ATXN7: variants seen among roughly 807,000 people sequenced by gnomAD.
ATXN7 encodes the protein ataxin 7.
ATXN7 carries 12 observed loss-of-function variants against 70.5 expected under a neutral mutation model. That is an observed-to-expected ratio of 0.17 (90% CI 0.11 to 0.28). The LOEUF (loss-of-function observed/expected upper bound fraction) is 0.28, where lower values mean the gene tolerates loss of function less well. Ranked by LOEUF, ATXN7 falls within the 10% of genes least tolerant of loss-of-function variation. The pLI, the probability that ATXN7 is intolerant of heterozygous loss-of-function variation, is 1.00. For missense variants in ATXN7, 1,256 were observed against 1,131.7 expected (o/e 1.11, Z -1.58); for synonymous variants, 498 against 448.7 (o/e 1.11, Z -1.39).
chr3:63,960,373 G>T lies in ATXN7; in HGVS notation c.499+7890G>T, dbSNP rs530395594. Among the ~76,000 whole-genome samples, 14 of 152,290 alleles carry T rather than the reference G, an allele frequency of 9.2e-5. 1 individual carries two copies. The highest frequency in any genetic ancestry group is 2.9e-4 in the African/African-American group (12 of 41,566). ...ATGAGAAGAATCAGGATTGGACGGC[G>T]CAGGCAATGGGAAGTCGCTGGAGGG... On this transcript the variant is annotated intron_variant, in intron 5 of 12. Transcript: ENST00000674280.
At chr3:63,913,517 C>G (rs559246361) in intron 4 of ATXN7, among the ~76,000 whole-genome samples, 1 of 152,310 alleles carries the variant, frequency 6.6e-6, no homozygotes, top group East Asian at 1.9e-4. Context: ...TTCTGACCTC[C>G]TTACGGAGAA....
chr3:63,981,208 A>C (rs1375613015), intron 6 of ATXN7, among the ~76,000 whole-genome samples: 1 of 152,162 alleles, frequency 6.6e-6, no homozygotes, highest in African/African-American at 2.4e-5. Flanking sequence ...TACTGCTGTC[A>C]GGCTATTCCA....
At chr3:63,996,772 G>A (rs935806345) in intron 12 of ATXN7, 11 of 417,842 alleles carry the variant, frequency 2.6e-5, no homozygotes, top group African/African-American at 1.8e-4. Context: ...GGTTGTGACA[G>A]CAAAATCATA....
chr3:63,966,810 G>C (rs1175852865), intron 5 of ATXN7, among the ~76,000 whole-genome samples: 2 of 152,124 alleles, frequency 1.3e-5, no homozygotes, highest in Admixed American at 1.3e-4. Context: ...TATTCTGTAT[G>C]GGGTGATAGG....
intron 4 of ATXN7, among the ~76,000 whole-genome samples, chr3:63,946,293 A>T (rs2074860608): frequency 6.6e-6 from 1 of 152,164 alleles, no homozygotes; most frequent in African/African-American, 2.4e-5. Flanking sequence ...TGGGAATTGT[A>T]GAAAGAGCAG....
At chr3:63,958,119 G>T (rs2075068041) in intron 5 of ATXN7, among the ~76,000 whole-genome samples, 1 of 152,128 alleles carries the variant, frequency 6.6e-6, no homozygotes, top group Non-Finnish European at 1.5e-5. Flanking sequence ...CTTTATGAAC[G>T]TAGTTTTAGT....
intron 1 of ATXN7, among the ~76,000 whole-genome samples, chr3:63,874,961 A>G (rs576976666): frequency 1.3e-5 from 2 of 152,202 alleles, no homozygotes; most frequent in South Asian, 4.2e-4. Flanking sequence ...GTTTCATAGA[A>G]GGTGTCACAT....
In ATXN7 at chr3:63,971,268, A is replaced by T. The variant is rs564249591; in HGVS notation, c.500-8647A>T. 2.6e-5 allele frequency among the ~76,000 whole-genome samples: 4 copies of T among 152,248 alleles called. No individual in the cohort carries two copies. In the East Asian group the frequency reaches 7.7e-4, roughly 29 times the overall value. On this transcript the variant is annotated intron_variant, in intron 5 of 12. Transcript: ENST00000674280. Reference sequence around the variant, plus strand: ...CCCAATTTTGGCTAATTGTCCTTTGAGGCACTGCATGTCAGAGGTCAGTTC... The same window carrying T: ...CCCAATTTTGGCTAATTGTCCTTTGTGGCACTGCATGTCAGAGGTCAGTTC...
rs1023386219 is a variant in ATXN7 at position 63,997,988 on chromosome 3, A to C, written c.2662-1462A>C. ...TTTCCTTCTTGGTTTGTAGTTACTC[A>C]TTACAGTTTATAAGCATAACAGTCC... On this transcript the variant is annotated intron_variant, in intron 12 of 12. Coordinates refer to ENST00000674280, the MANE Select transcript of ATXN7 (RefSeq NM_001377405.1). 7.1e-6 allele frequency: 7 copies of C among 985,288 alleles called. No individual in the cohort carries two copies. The African/African-American group carries it at 1.2e-4, about 17-fold the overall frequency. 61.0% of individuals were successfully genotyped at this position (985,288 alleles called of 1,614,324 possible). A position where few individuals can be genotyped will look rare whatever the true frequency, so the allele number is the denominator to read the frequency against.
chr3:63,956,798 G>A (rs1038999918), intron 5 of ATXN7, among the ~76,000 whole-genome samples: 6 of 152,182 alleles, frequency 3.9e-5, no homozygotes, highest in Non-Finnish European at 5.9e-5. Flanking sequence ...AGAATGGCAG[G>A]AAGGGAGGCC....
chr3:63,967,683 A>G, intron 5 of ATXN7: 1 of 993,580 alleles, frequency 1.0e-6, no homozygotes, highest in Non-Finnish European at 1.3e-6. Context: ...TAGAAAGATT[A>G]ATTTACACCA....
At chr3:63,879,944 G>T (rs1464624769) in intron 1 of ATXN7, among the ~76,000 whole-genome samples, 2 of 151,764 alleles carry the variant, frequency 1.3e-5, no homozygotes, top group African/African-American at 4.8e-5. Context: ...AAATTAGCCG[G>T]GTGTGGTGGC....
chr3:63,885,186 A>G (rs184843515), intron 1 of ATXN7, among the ~76,000 whole-genome samples: 1 of 152,192 alleles, frequency 6.6e-6, no homozygotes, highest in Non-Finnish European at 1.5e-5. Context: ...GACAATCAAC[A>G]CTATGGGAGA....
intron 4 of ATXN7, among the ~76,000 whole-genome samples, chr3:63,925,721 A>G (rs573766585): frequency 6.6e-6 from 1 of 152,210 alleles, no homozygotes; most frequent in African/African-American, 2.4e-5. Context: ...AATCTCAGCA[A>G]CTTGAGGTGG....
intron 4 of ATXN7, among the ~76,000 whole-genome samples, chr3:63,924,110 C>T (rs774121426): frequency 1.3e-5 from 2 of 152,024 alleles, no homozygotes; most frequent in Admixed American, 6.6e-5. Flanking sequence ...GTTCAGGATA[C>T]GTTTGGAGGT....
intron 11 of ATXN7, among the ~76,000 whole-genome samples, chr3:63,994,486 C>T (rs536725678): frequency 1.3e-5 from 2 of 152,342 alleles, no homozygotes; most frequent in South Asian, 4.1e-4. Flanking sequence ...CCACCAGCCT[C>T]AGCCTCCCAA....
chr3:63,933,618 A>T (rs2074599303), intron 4 of ATXN7, among the ~76,000 whole-genome samples: 1 of 152,138 alleles, frequency 6.6e-6, no homozygotes, highest in Admixed American at 6.5e-5. Context: ...TTGTAACAAG[A>T]TTTTGGGGTT....
At chr3:63,955,086 A>G (rs961749884) in intron 5 of ATXN7, among the ~76,000 whole-genome samples, 1 of 152,156 alleles carries the variant, frequency 6.6e-6, no homozygotes, top group African/African-American at 2.4e-5. Context: ...ATCTCCTAAT[A>G]AGATACTTGT....
In ATXN7 at chr3:64,000,402, AT is replaced by A. The variant is rs758846211; in HGVS notation, c.*937del. ...GTTTTCATAGTAAACAGTATGGCAG[AT>A]TGGGTTGGTTGTCCTACCTGGTCTA... On this transcript the variant is annotated 3_prime_UTR_variant, in exon 13 of 13. Transcript: ENST00000674280. The A allele has an allele frequency of 2.6e-5, 4 of 152,548 alleles. No individual in the cohort carries two copies. The highest frequency in any genetic ancestry group is 7.2e-5 in the African/African-American group (3 of 41,420). The allele number at this position is 152,548 out of a possible 1,614,324, so 9.4% of individuals were successfully genotyped here.
Sources: allele counts gnomAD v4.1 joint callset (sites outside exome capture counted in the v4.1 genomes callset), GRCh38; gene constraint gnomAD v4.1.1; transcripts MANE v1.5; gene names NCBI Gene and HGNC (gene_info 2026-07-23, HGNC 2026-07-21).